The following RBFOX1 variants were observed in gnomAD, a reference collection of about 807,000 sequenced individuals.
RBFOX1 encodes RNA binding protein fox-1 homolog 1.
A neutral mutation model predicts 57.7 loss-of-function variants in RBFOX1; 8 were observed. The observed-to-expected ratio is 0.14, with a 90% CI of 0.08 to 0.25. The LOEUF (loss-of-function observed/expected upper bound fraction) is 0.25, where lower values mean the gene tolerates loss of function less well. Among genes scored for constraint, RBFOX1 ranks in the 10% least tolerant of loss-of-function variants. RBFOX1 has a pLI of 1.00. For synonymous variants in RBFOX1, 326 were observed against 222.4 expected (o/e 1.47, Z -4.15); for missense variants, 611 against 548.5 (o/e 1.11, Z -1.14).
At chr16:5,497,049 C>A (rs2043024208) in intron 2 of RBFOX1, among the ~76,000 whole-genome samples, 1 of 151,916 alleles carries the variant, frequency 6.6e-6, no homozygotes, top group African/African-American at 2.4e-5. Context: ...TTTTTACTTT[C>A]ACAATCGTTT....
intron 4 of RBFOX1, among the ~76,000 whole-genome samples, chr16:7,223,490 G>T (rs1225619951): frequency 6.6e-6 from 1 of 152,072 alleles, no homozygotes; most frequent in Admixed American, 6.5e-5. Flanking sequence ...AATATTATAG[G>T]TTATGCTTAA....
At chr16:6,524,475 T>G (rs1040054436) in intron 2 of RBFOX1, among the ~76,000 whole-genome samples, 7 of 152,202 alleles carry the variant, frequency 4.6e-5, no homozygotes, top group African/African-American at 1.7e-4. Context: ...TCGAAGCGTG[T>G]TTGTCTTCCA....
At chr16:6,506,812 A>G (rs7204879) in intron 2 of RBFOX1, among the ~76,000 whole-genome samples, 33,825 of 151,516 alleles carry the variant, frequency 0.22, 4,297 homozygotes, top group Non-Finnish European at 0.29. Flanking sequence ...ATGCCTGGCT[A>G]TTTTCTGTAA....
At chr16:5,328,406 T>A (rs980964432) in intron 1 of RBFOX1, among the ~76,000 whole-genome samples, 1 of 152,202 alleles carries the variant, frequency 6.6e-6, no homozygotes, top group African/African-American at 2.4e-5. Flanking sequence ...CTGGGACTTC[T>A]AGCCTACAGA....
chr16:6,879,359 A>G (rs1415516694), intron 3 of RBFOX1, among the ~76,000 whole-genome samples: 1 of 151,984 alleles, frequency 6.6e-6, no homozygotes, highest in Non-Finnish European at 1.5e-5. Flanking sequence ...ATCTTTCCTA[A>G]TTTCATCTCT....
chr16:7,675,226 C>A (rs1444154756), intron 13 of RBFOX1, among the ~76,000 whole-genome samples: 2 of 148,028 alleles, frequency 1.4e-5, no homozygotes, highest in Non-Finnish European at 3.0e-5. Flanking sequence ...GACCCAATTT[C>A]TCTTTAGTCC....
intron 2 of RBFOX1, among the ~76,000 whole-genome samples, chr16:6,431,902 T>TTTCC (rs1479831494): frequency 1.2e-5 from 1 of 81,944 alleles, no homozygotes; most frequent in South Asian, 3.6e-4. Flanking sequence ...GCTTGCTTTC[T>TTTCC]TTCTTTCTTT....
intron 4 of RBFOX1, among the ~76,000 whole-genome samples, chr16:7,198,285 G>A (rs759090471): frequency 7.2e-5 from 11 of 152,130 alleles, no homozygotes; most frequent in African/African-American, 1.9e-4. Flanking sequence ...GATTACAGGC[G>A]TAAGCCACCG....
chr16:6,657,155 C>G (rs1231141317), intron 3 of RBFOX1, among the ~76,000 whole-genome samples: 2 of 150,516 alleles, frequency 1.3e-5, no homozygotes, highest in Non-Finnish European at 3.0e-5. Context: ...CTTCTCTCCT[C>G]TTTTCCTCCT....
At chr16:7,396,878 T>C (rs2098147914) in intron 4 of RBFOX1, among the ~76,000 whole-genome samples, 1 of 152,112 alleles carries the variant, frequency 6.6e-6, no homozygotes, top group Non-Finnish European at 1.5e-5. Context: ...GAGACAGAGG[T>C]TGCAGTGAGC....
At chr16:6,409,500 C>T (rs2093389545) in intron 2 of RBFOX1, among the ~76,000 whole-genome samples, 1 of 152,102 alleles carries the variant, frequency 6.6e-6, no homozygotes, top group Non-Finnish European at 1.5e-5. Context: ...AGTTAAGATG[C>T]CTTTGAGTGT....
intron 1 of RBFOX1, among the ~76,000 whole-genome samples, chr16:6,045,309 G>C (rs1159417643): frequency 6.6e-6 from 1 of 152,184 alleles, no homozygotes; most frequent in Non-Finnish European, 1.5e-5. Flanking sequence ...TTTTAAGGAT[G>C]GGTGAATGTT....
chr16:6,183,466 C>A (rs867501860), intron 1 of RBFOX1, among the ~76,000 whole-genome samples: 2 of 148,064 alleles, frequency 1.4e-5, no homozygotes, highest in African/African-American at 5.0e-5. Flanking sequence ...GGTGACAGAG[C>A]AAGGCTCCAT....
In RBFOX1 at chr16:5,465,932, G is replaced by A. The variant is rs529329003; in HGVS notation, c.220-1284G>A. ...ATCTGGTCTCTGTCCACGGTGCTGC[G>A]GTGGGTAAGCTCCCAGGGGCACCTT... On this transcript the variant is annotated intron_variant, in intron 1 of 2. Transcript: ENST00000585867. Among the ~76,000 whole-genome samples the A allele has an allele frequency of 1.4e-4, 22 of 152,278 alleles. No individual in the cohort carries two copies. The East Asian group carries it at 2.9e-3, about 20-fold the overall frequency.
intron 3 of RBFOX1, among the ~76,000 whole-genome samples, chr16:5,687,198 A>T (rs1389631017): frequency 2.0e-5 from 3 of 152,196 alleles, no homozygotes; most frequent in African/African-American, 7.2e-5. Context: ...AGGGGGAGAC[A>T]ATTAAGGTTG....
At chr16:7,620,893 C>T (rs1568135179) in intron 10 of RBFOX1, among the ~76,000 whole-genome samples, 1 of 152,122 alleles carries the variant, frequency 6.6e-6, no homozygotes, top group South Asian at 2.1e-4. Flanking sequence ...TGGAGTACAT[C>T]TTGTATAGCA....
intron 2 of RBFOX1, among the ~76,000 whole-genome samples, chr16:5,491,471 T>G (rs1014496253): frequency 6.6e-6 from 1 of 152,196 alleles, no homozygotes. Context: ...GTACTAGAAT[T>G]TTATAGGAGC....
At position 7,713,058 on chromosome 16, in the gene RBFOX1, A is replaced by G. The variant is rs1395170120; in HGVS notation, c.*2313A>G. On this transcript the variant is annotated 3_prime_UTR_variant, in exon 16 of 16. Transcript: ENST00000550418. ...CAAGATGCCAATAAGTCATTTTAAA[A>G]TGTATGTCAGAGATGTAAACAAACA... The G allele has an allele frequency of 6.6e-6, 1 of 152,234 alleles. No homozygotes were observed. Among genetic ancestry groups the G allele is most frequent in the East Asian group, 1.9e-4 (1 of 5,200 alleles). The allele number at this position is 152,234 out of a possible 1,614,324, so 9.4% of individuals were successfully genotyped here.
At chr16:6,974,562 C>G (rs1273573202) in intron 3 of RBFOX1, among the ~76,000 whole-genome samples, 1 of 151,914 alleles carries the variant, frequency 6.6e-6, no homozygotes, top group Admixed American at 6.6e-5. Flanking sequence ...CCAGGCTGGT[C>G]TTGATCTCCT....
Sources: gnomAD v4.1 joint callset for allele counts (sites outside exome capture counted in the v4.1 genomes callset) on GRCh38, gnomAD v4.1.1 for gene constraint, MANE v1.5 for transcripts, NCBI Gene and HGNC (gene_info 2026-07-23, HGNC 2026-07-21) for gene names.